SUGCT: variants seen among roughly 807,000 people sequenced by gnomAD.
SUGCT encodes succinyl-CoA:glutarate CoA-transferase.
In SUGCT, 41 loss-of-function variants were observed where a neutral mutation model predicts 55.0. That is an observed-to-expected ratio of 0.74 (90% CI 0.58 to 0.97). The LOEUF (loss-of-function observed/expected upper bound fraction) is 0.97. Ranked by LOEUF, SUGCT falls within the 50% of genes least tolerant of loss-of-function variation. SUGCT has a pLI of 0.00. For synonymous variants in SUGCT, 187 were observed against 200.4 expected, an observed-to-expected ratio of 0.93 and a Z score of 0.56; for missense variants, 568 against 547.8, an observed-to-expected ratio of 1.04 and a Z score of -0.37.
At chr7:40,951,239 A>T in the SUGCT span, among the ~76,000 whole-genome samples, 1 of 152,100 alleles carries the variant, frequency 6.6e-6, no homozygotes, top group South Asian at 2.1e-4. Flanking sequence ...TTTCTAGTTT[A>T]TTTGCGTAGA....
At chr7:40,472,794 TCTGTTA>T in intron 11 of SUGCT, among the ~76,000 whole-genome samples, 1 of 152,254 alleles carries the variant, frequency 6.6e-6, no homozygotes, top group East Asian at 1.9e-4. Flanking sequence ...AGAAGTGCCT[TCTGTTA>T]TTGATTTATG....
intron 6 of SUGCT, among the ~76,000 whole-genome samples, chr7:40,205,577 A>C (rs1025292587): frequency 2.9e-5 from 4 of 137,494 alleles, no homozygotes; most frequent in Admixed American, 2.4e-4. Flanking sequence ...GGAGGCGGAG[A>C]TTGCAGTGAG....
chr7:40,231,968 G>A (rs938806283), intron 6 of SUGCT, among the ~76,000 whole-genome samples: 1 of 152,104 alleles, frequency 6.6e-6, no homozygotes, highest in Non-Finnish European at 1.5e-5. Flanking sequence ...GGATGTGGTG[G>A]TGCATGCCTG....
At chr7:41,010,655 T>C in the SUGCT span, among the ~76,000 whole-genome samples, 1 of 152,200 alleles carries the variant, frequency 6.6e-6, no homozygotes, top group Non-Finnish European at 1.5e-5. Context: ...GTCAGAAGTT[T>C]ATATTTGGTC....
chr7:40,749,270 G>A (rs540786471), intron 12 of SUGCT, among the ~76,000 whole-genome samples, 164 bp from the exon 13 acceptor site: 6 of 152,210 alleles, frequency 3.9e-5, no homozygotes, highest in Non-Finnish European at 8.8e-5. Context: ...AGGATGAAAC[G>A]TTATTTTTAT....
the SUGCT span, among the ~76,000 whole-genome samples, chr7:41,033,408 G>A: frequency 6.6e-6 from 1 of 152,120 alleles, no homozygotes; most frequent in South Asian, 2.1e-4. Context: ...TTTTGCAGAG[G>A]TAGCTGTCAA....
intron 7 of SUGCT, among the ~76,000 whole-genome samples, chr7:40,246,916 T>C (rs1789922397): frequency 6.6e-6 from 1 of 152,198 alleles, no homozygotes; most frequent in Non-Finnish European, 1.5e-5. Context: ...AGGCTTGTAA[T>C]GTTCATTCAA....
Position 40,342,971 on chromosome 7 carries a change from C to T in SUGCT, c.816+26116C>T, listed in dbSNP as rs184166247. ...CTCCAATATCTTAGAAGTTGGTCTTCCTCAGCTTGAAATAAACCTGGTCTT... is the reference window on the plus strand; with the variant it reads ...CTCCAATATCTTAGAAGTTGGTCTTTCTCAGCTTGAAATAAACCTGGTCTT... On this transcript the variant is annotated intron_variant, in intron 9 of 13. Coordinates refer to ENST00000335693, the MANE Select transcript of SUGCT (RefSeq NM_001193313.2). Among the ~76,000 whole-genome samples, 178 of 152,276 alleles carry T rather than the reference C, an allele frequency of 1.2e-3. 2 individuals carry two copies. Among genetic ancestry groups the T allele is most frequent in the African/African-American group, 4.0e-3 (166 of 41,554 alleles).
At chr7:40,893,623 A>G in the SUGCT span, among the ~76,000 whole-genome samples, 18 of 152,238 alleles carry the variant, frequency 1.2e-4, no homozygotes, top group African/African-American at 4.3e-4. Context: ...ATCAATAAAT[A>G]AAGAATTTTT....
intron 12 of SUGCT, among the ~76,000 whole-genome samples, chr7:40,617,475 A>ATGTGTG (rs34487309): frequency 0.01 from 1,480 of 143,636 alleles, 39 homozygotes; most frequent in Admixed American, 0.055. Context: ...TTAGATTTAT[A>ATGTGTG]TGTGTGTGTG....
At chr7:40,515,488 T>G (rs1406350834) in intron 12 of SUGCT, among the ~76,000 whole-genome samples, 14 of 152,200 alleles carry the variant, frequency 9.2e-5, no homozygotes, top group Admixed American at 9.2e-4. Flanking sequence ...TTCCCTCCCC[T>G]TATCGCTGGT....
At chr7:40,591,680 A>G (rs1460616087) in intron 12 of SUGCT, among the ~76,000 whole-genome samples, 1 of 152,036 alleles carries the variant, frequency 6.6e-6, no homozygotes, top group African/African-American at 2.4e-5. Context: ...TGCCACAGCC[A>G]CTCCAATTTT....
the SUGCT span, among the ~76,000 whole-genome samples, chr7:40,918,329 C>T: frequency 6.6e-6 from 1 of 151,778 alleles, no homozygotes; most frequent in African/African-American, 2.4e-5. Flanking sequence ...GGCATGGTGG[C>T]GTGTGCTTGT....
chr7:40,871,255 C>T, the SUGCT span, among the ~76,000 whole-genome samples: 1 of 152,146 alleles, frequency 6.6e-6, no homozygotes, highest in African/African-American at 2.4e-5. Flanking sequence ...CATTTCTAAG[C>T]TAAGTCTTTA....
chr7:40,657,691 G>C lies in SUGCT; in HGVS notation c.1090-91743G>C, dbSNP rs1049855599. ...CTGGGATTACAGGCACCCGCCACTA[G>C]GCCCAGCTAATTTTTTGTATTTTTA... On this transcript the variant is annotated intron_variant, in intron 12 of 13. Coordinates refer to ENST00000335693, the MANE Select transcript of SUGCT (RefSeq NM_001193313.2). 9.9e-5 allele frequency among the ~76,000 whole-genome samples: 15 copies of C among 152,192 alleles called. No individual in the cohort carries two copies. In the East Asian group the frequency reaches 1.2e-3, roughly 12 times the overall value.
At chr7:40,504,617 A>G (rs1407496685) in intron 12 of SUGCT, among the ~76,000 whole-genome samples, 2 of 152,098 alleles carry the variant, frequency 1.3e-5, no homozygotes, top group South Asian at 4.2e-4. Flanking sequence ...TGTTTTTAGC[A>G]GAGACAGGGT....
intron 3 of SUGCT, 51 bp from the exon 4 acceptor site, chr7:40,188,444 A>G: frequency 7.8e-7 from 1 of 1,276,080 alleles, no homozygotes; most frequent in Non-Finnish European, 1.1e-6. Flanking sequence ...CAAAAAAAAA[A>G]AAAAAAAAAA....
At chr7:40,707,706 C>G (rs1273741853) in intron 12 of SUGCT, among the ~76,000 whole-genome samples, 1 of 152,082 alleles carries the variant, frequency 6.6e-6, no homozygotes, top group Admixed American at 6.6e-5. Context: ...GCACATATAC[C>G]ACAACCATCA....
At chr7:40,302,534 G>A (rs1373610976) in intron 8 of SUGCT, among the ~76,000 whole-genome samples, 1 of 152,126 alleles carries the variant, frequency 6.6e-6, no homozygotes, top group Non-Finnish European at 1.5e-5. Context: ...TGCCATTCAG[G>A]TATCTGCTGG....
Sources: gnomAD v4.1 joint callset for allele counts (sites outside exome capture counted in the v4.1 genomes callset) on GRCh38, gnomAD v4.1.1 for gene constraint, MANE v1.5 for transcripts, NCBI Gene and HGNC (gene_info 2026-07-23, HGNC 2026-07-21) for gene names.